Variants in GAR1 observed in about 807,000 individuals in gnomAD.
GAR1 encodes H/ACA ribonucleoprotein complex subunit 1.
A neutral mutation model predicts 29.3 loss-of-function variants in GAR1; 11 were observed. The observed-to-expected ratio is 0.38, with a 90% CI of 0.24 to 0.62. The LOEUF is 0.62. Ranked by LOEUF, GAR1 falls within the 20% of genes least tolerant of loss-of-function variation. The pLI is 0.62. For synonymous variants in GAR1, 87 were observed against 93.3 expected (o/e 0.93, Z 0.39); for missense variants, 237 against 268.4 (o/e 0.88, Z 0.82).
chr4:109,816,080 G>T (rs1733339997), intron 1 of GAR1, 73 bp from the exon 2 acceptor site: 5 of 1,408,288 alleles, frequency 3.6e-6, no homozygotes, highest in Non-Finnish European at 5.0e-6. Context: ...TGTTCTCACC[G>T]CAGCTCCGAG....
At chr4:109,820,044 TA>T (rs1733470259) in intron 4 of GAR1, among the ~76,000 whole-genome samples, 1 of 152,096 alleles carries the variant, frequency 6.6e-6, no homozygotes, top group South Asian at 2.1e-4. Flanking sequence ...ACTGGGAAGA[TA>T]AAAAGGCACC....
At chr4:109,815,888 CG>C (rs1435235470) in intron 1 of GAR1, 84 bp downstream of exon 1, 3 of 441,844 alleles carry the variant, frequency 6.8e-6, no homozygotes, top group Non-Finnish European at 1.2e-5. Context: ...GAAGGGGATG[CG>C]GTGCGAAGAC....
At chr4:109,816,123 A>G in intron 1 of GAR1, 30 bp from the exon 2 acceptor site, 1 of 1,595,014 alleles carries the variant, frequency 6.3e-7, no homozygotes, top group Non-Finnish European at 8.6e-7. Context: ...TACAGTGATC[A>G]GAAGACATAG....
Position 109,822,426 on chromosome 4 carries a change from G to A in GAR1, c.509G>A (p.Gly170Asp), listed in dbSNP as rs759747616. Reference sequence around the variant, plus strand: ...CCAGGTGAGAAAGGACCTCCAAGAGGTGGTGGCAGGGGAGGCCGAGGAGGA... The same window carrying A: ...CCAGGTGAGAAAGGACCTCCAAGAGATGGTGGCAGGGGAGGCCGAGGAGGA... ...RPPGEKGPPR[G>D]GGRGGRGGGR... The change falls in exon 5 of 7, where the codon GGT (glycine) becomes GAT (aspartate). Residue 170 changes from glycine (G) to aspartate (D), a missense_variant. Gly to Asp is a moderately conservative substitution (Grantham distance 94, BLOSUM62 -1). Transcript: ENST00000226796. The A allele has an allele frequency of 6.2e-7, 1 of 1,611,762 alleles. No homozygotes were observed. The highest frequency in any genetic ancestry group is 1.3e-5 in the African/African-American group (1 of 74,864).
At position 109,824,484 on chromosome 4, in the gene GAR1, C is replaced by T; in HGVS notation, c.*53C>T. 7.5e-7 allele frequency: 1 copy of T among 1,327,716 alleles called. No homozygotes were observed. Among genetic ancestry groups the T allele is most frequent in the Non-Finnish European group, 1.1e-6 (1 of 923,220 alleles). 82.2% of individuals were successfully genotyped at this position (1,327,716 alleles called of 1,614,324 possible). ...TGACTTCTGCATTAACCTGCATGAT[C>T]TGTTTCTACTATGGATTGGAAACTT... On this transcript the variant is annotated 3_prime_UTR_variant, in exon 7 of 7. Coordinates refer to ENST00000226796, the MANE Select transcript of GAR1 (RefSeq NM_018983.4).
chr4:109,816,178 G>A lies in GAR1; in HGVS notation c.14G>A (p.Gly5Asp). 1.2e-6 allele frequency: 2 copies of A among 1,612,484 alleles called. No homozygotes were observed. Among genetic ancestry groups the A allele is most frequent in the Non-Finnish European group, 1.7e-6 (2 of 1,179,990 alleles). Reference sequence around the variant, plus strand: ...GGAGGAGAGAGAATGTCTTTTCGAGGCGGAGGTCGTGGAGGCTTTAATCGA... The same window carrying A: ...GGAGGAGAGAGAATGTCTTTTCGAGACGGAGGTCGTGGAGGCTTTAATCGA... MSFR[G>D]GGRGGFNRGG... The change falls in exon 2 of 7, where the codon GGC becomes GAC. Residue 5 changes from glycine (G) to aspartate (D), a missense_variant. Coordinates refer to ENST00000226796, the MANE Select transcript of GAR1 (RefSeq NM_018983.4).
Position 109,822,439 on chromosome 4 carries a change from A to T in GAR1, c.522A>T (p.Gly174=). 1.2e-6 allele frequency: 2 copies of T among 1,607,784 alleles called. No homozygotes were observed. The highest frequency in any genetic ancestry group is 1.7e-6 in the Non-Finnish European group (2 of 1,175,264). Residue 174 remains glycine (G), a synonymous_variant, in exon 5 of 7, where the codon GGA becomes GGT. Transcript: ENST00000226796. ...GACCTCCAAGAGGTGGTGGCAGGGG[A>T]GGCCGAGGAGGAGGAAGAGGAGGAG... is the stretch of plus-strand genomic sequence containing the variant. The part of the protein sequence containing the change: ...EKGPPRGGGR[G]GRGGGRGGGG...
At position 109,816,138 on chromosome 4, in the gene GAR1, T is replaced by C; in HGVS notation, c.-12-15T>C. 1 of 1,590,228 alleles carries C rather than the reference T, an allele frequency of 6.3e-7. No individual in the cohort carries two copies. Among genetic ancestry groups the C allele is most frequent in the Non-Finnish European group, 8.6e-7 (1 of 1,168,488 alleles). On this transcript the variant is annotated splice_polypyrimidine_tract_variant and intron_variant, in intron 1 of 6. Transcript: ENST00000226796. ...TACAGTGATCAGAAGACATAGGTCG[T>C]TTTTTTTTCATCAGGGAGGAGAGAG...
rs2125888146 is a variant in GAR1 at position 109,816,300 on chromosome 4, A to T, written c.136A>T (p.Arg46Trp). The T allele has an allele frequency of 1.2e-6, 2 of 1,612,432 alleles. No individual in the cohort carries two copies. Among genetic ancestry groups the T allele is most frequent in the East Asian group, 2.2e-5 (1 of 44,876 alleles). Reference sequence around the variant, plus strand: ...CGGCGGCAATTTCAGAGGCGGCGGCAGGGGAGGATTTGGACGAGGGGGTGG... The same window carrying T: ...CGGCGGCAATTTCAGAGGCGGCGGCTGGGGAGGATTTGGACGAGGGGGTGG... ...GGGGNFRGGGRGGFGRGGGRG... is the reference protein window; with the variant it reads ...GGGGNFRGGGWGGFGRGGGRG... Residue 46 changes from arginine to tryptophan, a missense_variant, in exon 2 of 7, where the codon AGG (arginine) becomes TGG (tryptophan). Arg to Trp is a moderately radical substitution (Grantham distance 101). Transcript: ENST00000226796.
chr4:109,819,283 A>C, intron 4 of GAR1: 8 of 536,698 alleles, frequency 1.5e-5, no homozygotes, highest in Non-Finnish European at 2.6e-5. Flanking sequence ...TCATATTACC[A>C]AAATCTGTAA....
chr4:109,817,949 C>T lies in GAR1; in HGVS notation c.228C>T (p.Phe76=), dbSNP rs752431148. Residue 76 remains phenylalanine, a synonymous_variant, in exon 3 of 7, where the codon TTC becomes TTT. Coordinates refer to ENST00000226796, the MANE Select transcript of GAR1 (RefSeq NM_018983.4). ...PPERVVLLGE[F]LHPCEDDIVC... is the part of the protein sequence containing the mutation. ...GTCCTGTTTCAGTATTAGGAGAGTT[C>T]CTGCATCCCTGTGAAGATGACATAG... 8 of 1,608,172 alleles carry T rather than the reference C, an allele frequency of 5.0e-6. No homozygotes were observed. The South Asian group carries it at 8.9e-5, about 18-fold the overall frequency.
In GAR1 at chr4:109,816,256, G is replaced by A. The variant is rs745549880; in HGVS notation, c.92G>A (p.Gly31Asp). The change falls in exon 2 of 7, where the codon GGT (glycine) becomes GAT (aspartate). Residue 31 changes from glycine to aspartate, a missense_variant. Transcript: ENST00000226796. ...GGTGGCAGCAGCAACCACTTCCGAG[G>A]TGGAGGCGGCGGTGGAGGCGGCGGC... Reference protein sequence around the residue: ...NRGGSSNHFRGGGGGGGGGNF... With the variant: ...NRGGSSNHFRDGGGGGGGGNF... The A allele has an allele frequency of 2.5e-6, 4 of 1,605,294 alleles. No homozygotes were observed. The highest frequency in any genetic ancestry group is 3.4e-6 in the Non-Finnish European group (4 of 1,175,896).
intron 3 of GAR1, 66 bp downstream of exon 3, chr4:109,818,156 C>T: frequency 5.3e-6 from 6 of 1,133,820 alleles, no homozygotes; most frequent in Non-Finnish European, 6.4e-6. Flanking sequence ...TCTGAGGAGG[C>T]AGTTAAGTAT....
intron 5 of GAR1, 65 bp from the exon 6 acceptor site, chr4:109,823,900 T>G: frequency 9.7e-7 from 1 of 1,035,144 alleles, no homozygotes; most frequent in South Asian, 1.3e-5. Flanking sequence ...GTTAATAACT[T>G]AATGATTATT....
At position 109,818,994 on chromosome 4, in the gene GAR1, A is replaced by G. The variant is rs1442135012; in HGVS notation, c.370-7A>G. 1.7e-6 allele frequency: 2 copies of G among 1,176,756 alleles called. No homozygotes were observed. The highest frequency in any genetic ancestry group is 2.5e-6 in the Non-Finnish European group (2 of 797,354). 72.9% of individuals were successfully genotyped at this position (1,176,756 alleles called of 1,614,324 possible). ...ATTGCTCATTTGTTCCTTAATGAAAATAATAGTATTTTTCAGTTAAGTTGT... is the reference window on the plus strand; with the variant it reads ...ATTGCTCATTTGTTCCTTAATGAAAGTAATAGTATTTTTCAGTTAAGTTGT... On this transcript the variant is annotated splice_polypyrimidine_tract_variant and splice_region_variant and intron_variant, in intron 3 of 6. Coordinates refer to ENST00000226796, the MANE Select transcript of GAR1 (RefSeq NM_018983.4).
At chr4:109,823,055 A>G (rs1477444666) in intron 5 of GAR1, among the ~76,000 whole-genome samples, 4 of 152,100 alleles carry the variant, frequency 2.6e-5, no homozygotes, top group Non-Finnish European at 5.9e-5. Flanking sequence ...CTTTCCCCCA[A>G]GGTTTTGGGG....
At chr4:109,815,900 C>G in intron 1 of GAR1, 96 bp downstream of exon 1, 1 of 511,530 alleles carries the variant, frequency 2.0e-6, no homozygotes, top group Non-Finnish European at 3.5e-6. Context: ...GTGCGAAGAC[C>G]TTGCTGTCTG....
In GAR1 at chr4:109,816,180, GGAGGTCGTGGAGGCTTTAATC is replaced by G. The variant is rs1560578611; in HGVS notation, c.22_42del (p.Arg8_Gly14del). The G allele has an allele frequency of 1.5e-5, 24 of 1,612,398 alleles. No individual in the cohort carries two copies. The highest frequency in any genetic ancestry group is 2.0e-4 in the Middle Eastern group (1 of 4,932). ...AGGAGAGAGAATGTCTTTTCGAGGC[GGAGGTCGTGGAGGCTTTAATC>G]GAGGTGGTGGAGGTGGCGGCTTCAA... On this transcript the variant is annotated inframe_deletion, in exon 2 of 7. Transcript: ENST00000226796.
intron 3 of GAR1, among the ~76,000 whole-genome samples, chr4:109,818,646 C>T (rs745369710): frequency 2.0e-5 from 3 of 146,578 alleles, no homozygotes; most frequent in Non-Finnish European, 3.0e-5. Flanking sequence ...CTCACTACAA[C>T]CTCCGCCTCC....
Sources: allele counts gnomAD v4.1 joint callset (sites outside exome capture counted in the v4.1 genomes callset), GRCh38; gene constraint gnomAD v4.1.1; transcripts MANE v1.5; gene names NCBI Gene and HGNC (gene_info 2026-07-23, HGNC 2026-07-21).